SGCD: variants seen among roughly 807,000 people sequenced by gnomAD.
The protein encoded by SGCD is delta-sarcoglycan.
In SGCD, 18 loss-of-function variants were observed where a neutral mutation model predicts 36.6. That is an observed-to-expected ratio of 0.49 (90% CI 0.34 to 0.73). The LOEUF (loss-of-function observed/expected upper bound fraction) is 0.73. Among genes scored for constraint, SGCD ranks in the 30% least tolerant of loss-of-function variants. SGCD has a pLI of 0.01. For missense variants in SGCD, 387 were observed against 346.7 expected (o/e 1.12, Z -0.92); for synonymous variants, 133 against 130.6 (o/e 1.02, Z -0.12).
At chr5:156,692,692 T>C (rs1377307943) in intron 7 of SGCD, among the ~76,000 whole-genome samples, 3 of 152,200 alleles carry the variant, frequency 2.0e-5, no homozygotes, top group African/African-American at 4.8e-5. Flanking sequence ...GTGCCTTGGT[T>C]GTTATAAAAT....
At chr5:156,010,087 C>A (rs1758830105) in intron 1 of SGCD, among the ~76,000 whole-genome samples, 1 of 152,120 alleles carries the variant, frequency 6.6e-6, no homozygotes, top group Non-Finnish European at 1.5e-5. Context: ...TTATTATAGA[C>A]TCTAAGAGAT....
At chr5:156,687,205 C>T (rs1184724641) in intron 7 of SGCD, among the ~76,000 whole-genome samples, 1 of 152,198 alleles carries the variant, frequency 6.6e-6, no homozygotes, top group Admixed American at 6.5e-5. Context: ...GACAGAATTA[C>T]AGGAAACCAA....
At chr5:156,319,250 G>T (rs549494178) in intron 3 of SGCD, among the ~76,000 whole-genome samples, 48 of 152,284 alleles carry the variant, frequency 3.2e-4, no homozygotes, top group Non-Finnish European at 5.1e-4. Flanking sequence ...CAAACTGGAA[G>T]CCTTGGGGAA....
At chr5:156,520,210 T>C (rs960742013) in intron 4 of SGCD, among the ~76,000 whole-genome samples, 54 of 152,338 alleles carry the variant, frequency 3.5e-4, no homozygotes, top group African/African-American at 1.3e-3. Context: ...CGAGCATTCC[T>C]ATACACCAAC....
At chr5:156,307,555 GTTTTTTT>G (rs59481792) in intron 3 of SGCD, among the ~76,000 whole-genome samples, 6 of 41,156 alleles carry the variant, frequency 1.5e-4, no homozygotes, top group Admixed American at 1.0e-3. Flanking sequence ...TTTAACTGTT[GTTTTTTT>G]TTTTTTTTTT....
chr5:156,516,652 G>A (rs1371084901), intron 4 of SGCD, among the ~76,000 whole-genome samples: 1 of 152,198 alleles, frequency 6.6e-6, no homozygotes, highest in African/African-American at 2.4e-5. Flanking sequence ...ACATAGAACT[G>A]GGCTGAGGCT....
chr5:155,873,700 A>G (rs1217316148), intron 1 of SGCD, among the ~76,000 whole-genome samples: 2 of 152,182 alleles, frequency 1.3e-5, no homozygotes, highest in Admixed American at 1.3e-4. Context: ...AAAAGTCATT[A>G]CCAAAAGAAC....
At chr5:155,795,193 G>A in the SGCD span, among the ~76,000 whole-genome samples, 1 of 152,054 alleles carries the variant, frequency 6.6e-6, no homozygotes, top group African/African-American at 2.4e-5. Flanking sequence ...CTTCCTCAAG[G>A]AGAAGGAAGC....
chr5:156,741,081 T>A (rs61495230), intron 7 of SGCD, among the ~76,000 whole-genome samples: 4,589 of 152,272 alleles, frequency 0.03, 220 homozygotes, highest in African/African-American at 0.11. Context: ...AGCTACCACA[T>A]ATATTATTTG....
At chr5:156,615,302 T>C (rs569062903) in intron 6 of SGCD, among the ~76,000 whole-genome samples, 2 of 152,392 alleles carry the variant, frequency 1.3e-5, no homozygotes, top group South Asian at 4.1e-4. Context: ...ATTGCTATTC[T>C]AATTGTTAAT....
At chr5:155,996,913 ACAGACAGG>A (rs1246289616) in intron 1 of SGCD, among the ~76,000 whole-genome samples, 10 of 152,006 alleles carry the variant, frequency 6.6e-5, no homozygotes, top group African/African-American at 2.4e-4. Context: ...AGATAGACAG[ACAGACAGG>A]CAGGCAGACA....
chr5:156,495,129 T>C (rs561175959), intron 3 of SGCD, among the ~76,000 whole-genome samples: 5 of 152,226 alleles, frequency 3.3e-5, no homozygotes, highest in Non-Finnish European at 7.4e-5. Context: ...AACACATGGA[T>C]GAAATATGGG....
chr5:155,944,032 G>T (rs1363578138), intron 1 of SGCD, among the ~76,000 whole-genome samples: 1 of 152,168 alleles, frequency 6.6e-6, no homozygotes, highest in African/African-American at 2.4e-5. Context: ...CATTCTGCAT[G>T]ACCACAGCCC....
chr5:156,376,872 T>G (rs1770697975), intron 3 of SGCD, among the ~76,000 whole-genome samples: 1 of 152,154 alleles, frequency 6.6e-6, no homozygotes, highest in African/African-American at 2.4e-5. Context: ...AATTTCCATT[T>G]GTTGACAGTG....
chr5:156,134,549 A>C (rs1219318022), intron 3 of SGCD, among the ~76,000 whole-genome samples: 1 of 152,096 alleles, frequency 6.6e-6, no homozygotes, highest in Non-Finnish European at 1.5e-5. Flanking sequence ...TAGTGCTCAC[A>C]CCAACAGCAA....
chr5:156,330,706 T>G (rs1768029379), intron 2 of SGCD, among the ~76,000 whole-genome samples: 1 of 152,182 alleles, frequency 6.6e-6, no homozygotes. Context: ...TGGTGAGGAC[T>G]TCATACATGT....
At chr5:155,896,188 G>C (rs944492447) in intron 1 of SGCD, among the ~76,000 whole-genome samples, 3 of 152,202 alleles carry the variant, frequency 2.0e-5, no homozygotes, top group Non-Finnish European at 4.4e-5. Context: ...TGCAATAGGA[G>C]AGAATGTGCT....
At chr5:155,801,563 A>G in the SGCD span, among the ~76,000 whole-genome samples, 13,908 of 152,210 alleles carry the variant, frequency 0.091, 821 homozygotes, top group South Asian at 0.2. Flanking sequence ...CTACTGGAAA[A>G]GTGGTAGTAG....
intron 7 of SGCD, among the ~76,000 whole-genome samples, chr5:156,737,317 T>G (rs1040362538): frequency 1.3e-5 from 2 of 152,192 alleles, no homozygotes; most frequent in African/African-American, 4.8e-5. Context: ...TGGGAACATC[T>G]ACTCTGCTGC....
Sources: allele counts gnomAD v4.1 joint callset (sites outside exome capture counted in the v4.1 genomes callset), GRCh38; gene constraint gnomAD v4.1.1; transcripts MANE v1.5; gene names NCBI Gene and HGNC (gene_info 2026-07-23, HGNC 2026-07-21).